CCDC171: variants seen among roughly 807,000 people sequenced by gnomAD.
CCDC171 encodes the protein coiled-coil domain-containing protein 171.
CCDC171 carries 177 observed loss-of-function variants against 168.2 expected under a neutral mutation model. That is an observed-to-expected ratio of 1.05 (90% confidence interval 0.93 to 1.19). CCDC171 has a LOEUF of 1.19. Among genes scored for constraint, CCDC171 ranks in the 50% most tolerant of loss-of-function variants. The pLI, the probability that CCDC171 is intolerant of heterozygous loss-of-function variation, is 0.00. For synonymous variants in CCDC171, 687 were observed against 540.8 expected, an observed-to-expected ratio of 1.27 and a Z score of -3.75; for missense variants, 1,991 against 1,539.0, an observed-to-expected ratio of 1.29 and a Z score of -4.91.
chr9:15,729,606 A>G lies in CCDC171; in HGVS notation c.1861-4A>G. 2 of 1,598,040 alleles carry G rather than the reference A, an allele frequency of 1.3e-6. No homozygotes were observed. The highest frequency in any genetic ancestry group is 8.5e-7 in the Non-Finnish European group (1 of 1,169,630). On this transcript the variant is annotated splice_polypyrimidine_tract_variant and splice_region_variant and intron_variant, in intron 15 of 25. Transcript: ENST00000380701. ...TTCCTTCTCTGTTGCATCTCCCCGT[A>G]TAGATAAGGCATCTAGAGTATATCT...
intron 25 of CCDC171, among the ~76,000 whole-genome samples, chr9:15,948,384 C>G (rs9722192): frequency 0.25 from 30,040 of 122,564 alleles, 4,353 homozygotes; most frequent in East Asian, 0.53. Flanking sequence ...AGTTCTAGAT[C>G]CCTGAGGAAT....
chr9:15,763,115 T>C (rs764896770), intron 18 of CCDC171, among the ~76,000 whole-genome samples: 1 of 152,176 alleles, frequency 6.6e-6, no homozygotes, highest in Non-Finnish European at 1.5e-5. Context: ...AGTTTTATTA[T>C]AACAGAAGGA....
chr9:15,963,257 A>G (rs1830511806), intron 25 of CCDC171, among the ~76,000 whole-genome samples: 2 of 152,080 alleles, frequency 1.3e-5, no homozygotes, highest in African/African-American at 4.8e-5. Context: ...GGTGCAGCAC[A>G]CCATCATGGC....
chr9:15,604,999 C>G (rs554512272), intron 6 of CCDC171, among the ~76,000 whole-genome samples: 1 of 152,230 alleles, frequency 6.6e-6, no homozygotes, highest in African/African-American at 2.4e-5. Flanking sequence ...CTCACTGCAG[C>G]CTTTGCCTAC....
At chr9:15,569,197 G>A (rs1273520476) in intron 2 of CCDC171, among the ~76,000 whole-genome samples, 1 of 152,114 alleles carries the variant, frequency 6.6e-6, no homozygotes, top group Non-Finnish European at 1.5e-5. Flanking sequence ...TATTTCCATG[G>A]ATTTGTTTCT....
At chr9:15,703,070 A>AT (rs1402491192) in intron 11 of CCDC171, among the ~76,000 whole-genome samples, 1 of 151,606 alleles carries the variant, frequency 6.6e-6, no homozygotes, top group Non-Finnish European at 1.5e-5. Flanking sequence ...CACCCAGCTA[A>AT]TTTTTTTTAA....
intron 7 of CCDC171, among the ~76,000 whole-genome samples, chr9:15,633,597 C>G (rs547909925): frequency 3.9e-5 from 6 of 151,960 alleles, no homozygotes; most frequent in African/African-American, 7.2e-5. Context: ...TAGTTCAACC[C>G]TTGTGGAAGT....
the CCDC171 span, among the ~76,000 whole-genome samples, chr9:16,083,775 G>A: frequency 2.6e-5 from 4 of 152,158 alleles, no homozygotes; most frequent in Admixed American, 6.5e-5. Flanking sequence ...AAGTTTCAAC[G>A]ATCTTTCTGC....
intron 21 of CCDC171, among the ~76,000 whole-genome samples, chr9:15,808,138 C>A (rs541900481): frequency 6.6e-6 from 1 of 151,982 alleles, no homozygotes; most frequent in Non-Finnish European, 1.5e-5. Flanking sequence ...GTGAAGCTGG[C>A]AAACTCATAT....
intron 11 of CCDC171, among the ~76,000 whole-genome samples, chr9:15,697,294 T>C (rs1293549210): frequency 1.3e-5 from 2 of 152,208 alleles, no homozygotes; most frequent in Non-Finnish European, 2.9e-5. Flanking sequence ...TTCTCTCCAC[T>C]TGACCTTTTA....
chr9:15,929,545 C>G (rs925347941), intron 25 of CCDC171, among the ~76,000 whole-genome samples: 1 of 151,672 alleles, frequency 6.6e-6, no homozygotes, highest in Non-Finnish European at 1.5e-5. Context: ...AACTTTTGTT[C>G]CACTTTCCCT....
At chr9:15,861,732 T>C (rs2061568436) in intron 23 of CCDC171, among the ~76,000 whole-genome samples, 1 of 151,992 alleles carries the variant, frequency 6.6e-6, no homozygotes, top group Non-Finnish European at 1.5e-5. Flanking sequence ...TAGTTGTTTT[T>C]AATACTTTCG....
At chr9:15,680,338 A>G (rs1006787006) in intron 10 of CCDC171, among the ~76,000 whole-genome samples, 4 of 152,172 alleles carry the variant, frequency 2.6e-5, no homozygotes, top group African/African-American at 9.7e-5. Flanking sequence ...ATACATACAT[A>G]CTTTCCTCAG....
intron 21 of CCDC171, among the ~76,000 whole-genome samples, chr9:15,788,944 G>C (rs764648275): frequency 1.3e-5 from 2 of 151,548 alleles, no homozygotes; most frequent in East Asian, 1.9e-4. Context: ...GCTAAATCTT[G>C]GATTAGACAT....
At chr9:15,633,244 A>C (rs1362565355) in intron 7 of CCDC171, among the ~76,000 whole-genome samples, 1 of 152,204 alleles carries the variant, frequency 6.6e-6, no homozygotes, top group African/African-American at 2.4e-5. Context: ...CAACCTACAC[A>C]ATGGGAGAAA....
chr9:15,623,457 TCACATATGCGCGCGCGCGCACACA>T (rs2044682496), intron 7 of CCDC171, 44 bp downstream of exon 7: 1 of 867,194 alleles, frequency 1.2e-6, no homozygotes, highest in Non-Finnish European at 1.6e-6. Context: ...GTACAAACTT[TCACATATGCGCGCGCGCGCACACA>T]CACACACACA....
chr9:15,873,441 G>T (rs556928769), intron 23 of CCDC171, among the ~76,000 whole-genome samples: 2 of 151,992 alleles, frequency 1.3e-5, no homozygotes, highest in South Asian at 2.1e-4. Context: ...AGTTAACCTT[G>T]TTTTTGACCT....
chr9:15,599,530 A>C (rs1273789481), intron 6 of CCDC171, among the ~76,000 whole-genome samples: 2 of 152,122 alleles, frequency 1.3e-5, no homozygotes, highest in Non-Finnish European at 2.9e-5. Context: ...TGTTAGTCTG[A>C]TGGGCTTCCA....
chr9:15,613,000 A>G (rs564059148), intron 6 of CCDC171, among the ~76,000 whole-genome samples: 1 of 152,286 alleles, frequency 6.6e-6, no homozygotes, highest in South Asian at 2.1e-4. Flanking sequence ...TAAATGCCAT[A>G]GACTGTTTTG....
Sources: gnomAD v4.1 joint callset for allele counts (sites outside exome capture counted in the v4.1 genomes callset) on GRCh38, gnomAD v4.1.1 for gene constraint, MANE v1.5 for transcripts, NCBI Gene and HGNC (gene_info 2026-07-23, HGNC 2026-07-21) for gene names.